The following GIP variants were observed in gnomAD, a reference collection of about 807,000 sequenced individuals.
GIP encodes the protein glucose-dependent insulinotropic polypeptide.
In GIP, 16 loss-of-function variants were observed where a neutral mutation model predicts 18.1. That is an observed-to-expected ratio of 0.88 (90% CI 0.60 to 1.34). The LOEUF (loss-of-function observed/expected upper bound fraction) is 1.34. GIP is among the 40% of genes most tolerant of loss of function. GIP has a pLI of 0.00. For missense variants in GIP, 192 were observed against 183.4 expected (o/e 1.05, Z -0.27); for synonymous variants, 76 against 74.0 (o/e 1.03, Z -0.14).
chr17:48,964,539 A>G, intron 2 of GIP, 59 bp from the exon 3 acceptor site: 1 of 1,440,030 alleles, frequency 6.9e-7, no homozygotes, highest in Non-Finnish European at 9.7e-7. Flanking sequence ...ATGCTAGGGT[A>G]AATGACTGTC....
intron 1 of GIP, 76 bp from the exon 2 acceptor site, chr17:48,967,329 C>T: frequency 1.1e-6 from 1 of 944,358 alleles, no homozygotes; most frequent in Admixed American, 1.9e-5. Flanking sequence ...GGGCAAAGCC[C>T]TGAGGTTTGG....
chr17:48,967,110 C>T (rs1447650540), intron 2 of GIP, 37 bp downstream of exon 2: 3 of 1,451,870 alleles, frequency 2.1e-6, no homozygotes, highest in African/African-American at 1.4e-5. Flanking sequence ...CCCCTAACCC[C>T]TCCTCTGCCC....
At chr17:48,967,721 T>C (rs887218922) in intron 1 of GIP, among the ~76,000 whole-genome samples, 1 of 151,832 alleles carries the variant, frequency 6.6e-6, no homozygotes, top group African/African-American at 2.4e-5. Flanking sequence ...TGCTGTGCAC[T>C]GGAGTTAGTG....
Position 48,961,000 on chromosome 17 carries a change from A to T in GIP, c.351-13T>A. ...CTTGGCTGGGGAGCTGCAAGGGAAC[A>T]GTCTCTGGCTAACTATTTTAGCCTG... On this transcript the variant is annotated splice_polypyrimidine_tract_variant and intron_variant, in intron 4 of 5. Transcript: ENST00000357424. 1 of 1,579,004 alleles carries T rather than the reference A, an allele frequency of 6.3e-7. No individual in the cohort carries two copies. Among genetic ancestry groups the T allele is most frequent in the Non-Finnish European group, 8.6e-7 (1 of 1,156,198 alleles).
At chr17:48,960,772 C>A in intron 5 of GIP, 114 bp downstream of exon 5, 1 of 711,728 alleles carries the variant, frequency 1.4e-6, no homozygotes, top group South Asian at 1.6e-5. Flanking sequence ...AGTGAAAACA[C>A]TGAGGTTCAG....
At position 48,967,167 on chromosome 17, in the gene GIP, C is replaced by T; in HGVS notation, c.66G>A (p.Glu22=). 1 of 1,613,508 alleles carries T rather than the reference C, an allele frequency of 6.2e-7. No individual in the cohort carries two copies. Among genetic ancestry groups the T allele is most frequent in the Non-Finnish European group, 8.5e-7 (1 of 1,179,504 alleles). The change falls in exon 2 of 6, where the codon GAG becomes GAA. Residue 22 remains glutamate, a synonymous_variant. Coordinates refer to ENST00000357424, the MANE Select transcript of GIP (RefSeq NM_004123.3). ...LSLFLAVGLG[E]KKEGHFSALP... is the part of the protein sequence containing the mutation. ...CCTACCTGAAGTGACCCTCTTTCTT[C>T]TCTCCTAGTCCCACTGCCAGGAACA...
Position 48,960,895 on chromosome 17 carries a change from C to A in GIP, c.443G>T (p.Cys148Phe). ...CACCACACTCCCCTACCTGAGCCTG[C>A]AGAGGTTTGTCTGATCCAGCAAGCA... The part of the protein sequence containing the change: ...LACLLDQTNL[C>F]RLRSR The change falls in exon 5 of 6, where the codon TGC (cysteine) becomes TTC (phenylalanine). Residue 148 changes from cysteine (C) to phenylalanine (F), a missense_variant. Coordinates refer to ENST00000357424, the MANE Select transcript of GIP (RefSeq NM_004123.3). 1 of 1,594,108 alleles carries A rather than the reference C, an allele frequency of 6.3e-7. No individual in the cohort carries two copies. The highest frequency in any genetic ancestry group is 1.1e-5 in the South Asian group (1 of 87,912).
At chr17:48,961,079 C>A in intron 4 of GIP, 92 bp from the exon 5 acceptor site, 4 of 751,772 alleles carry the variant, frequency 5.3e-6, no homozygotes, top group Middle Eastern at 3.5e-4. Context: ...GAGGGGCAGC[C>A]GCGGATGGGG....
At chr17:48,961,047 A>G (rs998209058) in intron 4 of GIP, 60 bp from the exon 5 acceptor site, 19 of 1,208,404 alleles carry the variant, frequency 1.6e-5, no homozygotes, top group Non-Finnish European at 1.6e-5. Context: ...GAGAGGGTAA[A>G]CACAGGGTTG....
chr17:48,961,321 G>C (rs527971578), intron 4 of GIP, among the ~76,000 whole-genome samples: 1 of 152,302 alleles, frequency 6.6e-6, no homozygotes, highest in Middle Eastern at 3.4e-3. Flanking sequence ...GCCATTCAGA[G>C]AGGGGATAAC....
In GIP at chr17:48,964,294, G is replaced by A. The variant is rs200334514; in HGVS notation, c.257+16C>T. The A allele has an allele frequency of 1.0e-5, 16 of 1,607,512 alleles. No homozygotes were observed. Among genetic ancestry groups the A allele is most frequent in the Non-Finnish European group, 1.0e-5 (12 of 1,174,582 alleles). ...GCCCGGCACAGGGAACAGGAGGAGT[G>A]TAAGCAGCGACTCACTCATTCTTCT... On this transcript the variant is annotated intron_variant, in intron 3 of 5. Transcript: ENST00000357424.
intron 3 of GIP, among the ~76,000 whole-genome samples, chr17:48,962,868 G>A (rs1033868333): frequency 2.0e-5 from 3 of 151,686 alleles, no homozygotes; most frequent in Admixed American, 1.3e-4. Context: ...ACTTTGGGAG[G>A]CCGAGGAGGG....
intron 2 of GIP, among the ~76,000 whole-genome samples, chr17:48,964,743 C>T (rs1012144814): frequency 6.6e-6 from 1 of 152,162 alleles, no homozygotes; most frequent in Non-Finnish European, 1.5e-5. Flanking sequence ...TGCCTGTAAT[C>T]CCAACACTTT....
chr17:48,961,614 G>A, intron 4 of GIP, 113 bp downstream of exon 4: 1 of 669,964 alleles, frequency 1.5e-6, no homozygotes, highest in Non-Finnish European at 2.6e-6. Context: ...CTGAGAGGAA[G>A]AGGATGCTTA....
rs72833611 is a variant in GIP, at chr17:48,958,681, C to G, written c.*26G>C. On this transcript the variant is annotated 3_prime_UTR_variant, in exon 6 of 6. Coordinates refer to ENST00000357424, the MANE Select transcript of GIP (RefSeq NM_004123.3). The stretch of plus-strand genomic sequence containing the variant: ...CAGGTGCTAAGTGAAGGGCAGAATC[C>G]AGTCCTGAGCTGGGTGTGGTCAGAG... 0.12 allele frequency: 184,547 copies of G among 1,568,792 alleles called. 11,961 individuals are homozygous for G. The highest frequency in any genetic ancestry group is 0.13 in the Non-Finnish European group (152,073 of 1,153,754).
intron 1 of GIP, among the ~76,000 whole-genome samples, chr17:48,967,847 T>C (rs1039830271): frequency 1.4e-5 from 2 of 147,566 alleles, no homozygotes; most frequent in Non-Finnish European, 3.0e-5. Flanking sequence ...AGGTCAGGAG[T>C]TTGAGACCAG....
intron 2 of GIP, among the ~76,000 whole-genome samples, chr17:48,964,754 G>C (rs2041225206): frequency 6.6e-6 from 1 of 152,056 alleles, no homozygotes; most frequent in Non-Finnish European, 1.5e-5. Context: ...CCAACACTTT[G>C]GGAGGCCAAG....
chr17:48,967,196 A>T lies in GIP; in HGVS notation c.37T>A (p.Ser13Thr). 4 of 1,613,932 alleles carry T rather than the reference A, an allele frequency of 2.5e-6. No homozygotes were observed. Among genetic ancestry groups the T allele is most frequent in the Non-Finnish European group, 3.4e-6 (4 of 1,179,930 alleles). Residue 13 changes from serine to threonine, a missense_variant, in exon 2 of 6, where the codon TCC becomes ACC. Coordinates refer to ENST00000357424, the MANE Select transcript of GIP (RefSeq NM_004123.3). ...CCTAGTCCCACTGCCAGGAACAGGGACAGCAGCAGCAGAGCAAAGGTCTTC... is the reference window on the plus strand; with the variant it reads ...CCTAGTCCCACTGCCAGGAACAGGGTCAGCAGCAGCAGAGCAAAGGTCTTC... ...ATKTFALLLL[S>T]LFLAVGLGEK...
intron 2 of GIP, among the ~76,000 whole-genome samples, chr17:48,965,010 G>A (rs1375811480): frequency 2.0e-5 from 3 of 151,722 alleles, no homozygotes; most frequent in African/African-American, 2.4e-5. Context: ...ATGGTGGTGG[G>A]CGCCTGTAGC....
Sources: allele counts gnomAD v4.1 joint callset (sites outside exome capture counted in the v4.1 genomes callset), GRCh38; gene constraint gnomAD v4.1.1; transcripts MANE v1.5; gene names NCBI Gene and HGNC (gene_info 2026-07-23, HGNC 2026-07-21).